ATG7: variants seen among roughly 807,000 people sequenced by gnomAD.
The protein encoded by ATG7 is autophagy related 7, also known as ubiquitin-like modifier-activating enzyme ATG7.
In ATG7, 70 loss-of-function variants were observed where a neutral mutation model predicts 82.4. The observed-to-expected ratio is 0.85, with a 90% CI of 0.70 to 1.04. ATG7 has a LOEUF of 1.04. ATG7 is among the 50% of genes least tolerant of loss of function. The pLI, the probability that ATG7 is intolerant of heterozygous loss-of-function variation, is 0.00. For synonymous variants in ATG7, 287 were observed against 313.0 expected (o/e 0.92, Z 0.88); for missense variants, 792 against 864.3 (o/e 0.92, Z 1.05).
downstream of ATG7, chr3:11,559,426 C>G (rs375078551): frequency 6.4e-6 from 10 of 1,566,298 alleles, no homozygotes; most frequent in Non-Finnish European, 8.6e-6. Context: ...GGGCGCCAGC[C>G]GAGGCACAGG....
chr3:11,489,402 C>T (rs1041393517), intron 20 of ATG7, among the ~76,000 whole-genome samples: 8 of 151,936 alleles, frequency 5.3e-5, no homozygotes, highest in Admixed American at 2.6e-4. Flanking sequence ...AGTGGTCTAT[C>T]AATTTTATTG....
At chr3:11,485,503 C>A in intron 20 of ATG7, among the ~76,000 whole-genome samples, 1 of 152,168 alleles carries the variant, frequency 6.6e-6, no homozygotes, top group Non-Finnish European at 1.5e-5. Flanking sequence ...CCTGTTCACT[C>A]TGATGGTAGT....
intron 20 of ATG7, among the ~76,000 whole-genome samples, chr3:11,553,777 G>C (rs71316493): frequency 1.3e-5 from 2 of 152,180 alleles, no homozygotes; most frequent in Non-Finnish European, 2.9e-5. Context: ...CCTCAGGAGA[G>C]AGGAAATTTC....
chr3:11,391,022 G>A (rs780088964), intron 19 of ATG7, among the ~76,000 whole-genome samples: 1 of 152,184 alleles, frequency 6.6e-6, no homozygotes, highest in Non-Finnish European at 1.5e-5. Flanking sequence ...ATAAGAGCTC[G>A]TGTGATGGGT....
intron 3 of ATG7, among the ~76,000 whole-genome samples, chr3:11,284,998 C>T (rs961318332): frequency 6.6e-6 from 1 of 151,860 alleles, no homozygotes; most frequent in Admixed American, 6.6e-5. Flanking sequence ...AGGCGCCCGC[C>T]ACCATGCCCA....
intron 20 of ATG7, among the ~76,000 whole-genome samples, chr3:11,428,193 A>G (rs1240103328): frequency 1.3e-5 from 2 of 152,198 alleles, no homozygotes; most frequent in African/African-American, 4.8e-5. Context: ...CATGGGTGCA[A>G]AGATCTATAA....
chr3:11,564,890 G>T, the ATG7 span: 1 of 1,607,988 alleles, frequency 6.2e-7, no homozygotes. Context: ...GCTGCTCCAG[G>T]CCAAGGCTGG....
At chr3:11,288,862 T>C (rs1168907815) in intron 3 of ATG7, 1 of 152,188 alleles carries the variant, frequency 6.6e-6, no homozygotes, top group African/African-American at 2.4e-5. Flanking sequence ...CCCGGGGGAT[T>C]GTATTGGTTA....
At position 11,423,447 on chromosome 3, in the gene ATG7, A is replaced by G. The variant is rs182743155; in HGVS notation, c.1957-3357A>G. On this transcript the variant is annotated intron_variant, in intron 19 of 20. Transcript: ENST00000693202. The stretch of plus-strand genomic sequence containing the variant: ...AAAATGGTATTGATTCCTTTGCTCA[A>G]TGCGGGGTTGCCACAACTTTCAATT... Among the ~76,000 whole-genome samples, 85 of 152,338 alleles carry G rather than the reference A, an allele frequency of 5.6e-4. 1 individual carries two copies. Among genetic ancestry groups the G allele is most frequent in the African/African-American group, 1.8e-3 (76 of 41,580 alleles).
At chr3:11,474,386 A>C (rs775898405) in intron 20 of ATG7, among the ~76,000 whole-genome samples, 1 of 152,204 alleles carries the variant, frequency 6.6e-6, no homozygotes, top group Non-Finnish European at 1.5e-5. Flanking sequence ...GACCACTTGA[A>C]GTCAGGAGTT....
chr3:11,508,583 G>C (rs1393168780), intron 20 of ATG7, among the ~76,000 whole-genome samples: 1 of 152,114 alleles, frequency 6.6e-6, no homozygotes, highest in Non-Finnish European at 1.5e-5. Flanking sequence ...AGCTTCCGAA[G>C]TAGCTGGTGT....
At chr3:11,393,065 T>C (rs958050691) in intron 19 of ATG7, among the ~76,000 whole-genome samples, 1 of 152,182 alleles carries the variant, frequency 6.6e-6, no homozygotes, top group African/African-American at 2.4e-5. Context: ...TCTAAACTTT[T>C]CATTGGCGCA....
At chr3:11,557,954 C>CA (rs1325553429), downstream of ATG7, 1 of 153,626 alleles carries the variant, frequency 6.5e-6, no homozygotes, top group Non-Finnish European at 1.4e-5. Context: ...ACAGTAACAA[C>CA]AACAAACACA....
At chr3:11,435,981 T>A (rs928380916) in intron 20 of ATG7, among the ~76,000 whole-genome samples, 16 of 152,138 alleles carry the variant, frequency 1.1e-4, no homozygotes, top group African/African-American at 3.1e-4. Context: ...GTGCCTACAG[T>A]CCCAGCTGCT....
chr3:11,325,133 T>C (rs903512981), intron 9 of ATG7, among the ~76,000 whole-genome samples: 1 of 152,154 alleles, frequency 6.6e-6, no homozygotes, highest in Non-Finnish European at 1.5e-5. Context: ...AGGTGTGGTG[T>C]AGTAGGCTAT....
rs570339138 is a variant in ATG7 at position 11,388,723 on chromosome 3, A to C, written c.1956+8671A>C. 1.5e-4 allele frequency among the ~76,000 whole-genome samples: 23 copies of C among 151,808 alleles called. No homozygotes were observed. In the South Asian group the frequency reaches 3.5e-3, roughly 23 times the overall value. On this transcript the variant is annotated intron_variant, in intron 19 of 20. Transcript: ENST00000693202. Reference sequence around the variant, plus strand: ...GATTACAGGTGTGAGCCACTGCGCCAGGCCCCTTCTTTCTTTTTTTTATTC... The same window carrying C: ...GATTACAGGTGTGAGCCACTGCGCCCGGCCCCTTCTTTCTTTTTTTTATTC...
At chr3:11,565,519 C>T in the ATG7 span, among the ~76,000 whole-genome samples, 4 of 152,212 alleles carry the variant, frequency 2.6e-5, no homozygotes, top group Non-Finnish European at 4.4e-5. This position sits in a 1 kb window ranked among gnomAD's most constrained non-coding sequence, Gnocchi z 4.1. Flanking sequence ...GCAGGCAATG[C>T]TGCCACCATC....
At chr3:11,294,412 G>T (rs925525936) in intron 3 of ATG7, among the ~76,000 whole-genome samples, 3 of 151,478 alleles carry the variant, frequency 2.0e-5, no homozygotes, top group African/African-American at 7.3e-5. Flanking sequence ...TAGTAGAGAT[G>T]GGGGTTTCAC....
chr3:11,347,961 G>T lies in ATG7; in HGVS notation c.1210G>T (p.Glu404Ter), dbSNP rs934600815. ...NPVRQPLYEF[E>*]DCLGGGKPKA... ...TGTGAGGCAGCCTCTCTATGAGTTT[G>T]AAGATTGCCTAGGGGGTGGTAAGCC... The change falls in exon 14 of 21, where the codon GAA becomes TAA. Residue 404 changes from glutamate (E) to a stop codon, truncating the protein, a stop_gained. Transcript: ENST00000693202. LOFTEE classifies it high-confidence loss of function. 5.6e-6 allele frequency: 9 copies of T among 1,614,034 alleles called. No homozygotes were observed. Among genetic ancestry groups the T allele is most frequent in the African/African-American group, 1.3e-5 (1 of 74,912 alleles).
Sources: allele counts gnomAD v4.1 joint callset (sites outside exome capture counted in the v4.1 genomes callset), GRCh38; gene constraint gnomAD v4.1.1; non-coding constraint Gnocchi (gnomAD v3.1); transcripts MANE v1.5; gene names NCBI Gene and HGNC (gene_info 2026-07-23, HGNC 2026-07-21).